CNGA3: variants seen among roughly 807,000 people sequenced by gnomAD.
CNGA3 encodes the protein cyclic nucleotide-gated channel alpha-3.
Under a neutral mutation model 46.6 loss-of-function variants are expected in CNGA3, and 42 were observed. That is an observed-to-expected ratio of 0.90 (90% CI 0.70 to 1.17). The LOEUF is 1.17. Ranked by LOEUF, CNGA3 falls within the 50% of genes most tolerant of loss-of-function variation. The pLI is 0.00. For missense variants in CNGA3, 893 were observed against 890.7 expected, an observed-to-expected ratio of 1.00 and a Z score of -0.03; for synonymous variants, 394 against 369.4, an observed-to-expected ratio of 1.07 and a Z score of -0.76.
At chr2:98,371,525 G>A (rs1171775175) in intron 2 of CNGA3, among the ~76,000 whole-genome samples, 1 of 152,168 alleles carries the variant, frequency 6.6e-6, no homozygotes, top group Admixed American at 6.5e-5. Context: ...GCAATGGAAG[G>A]AAGATCCCAG....
intron 5 of CNGA3, among the ~76,000 whole-genome samples, chr2:98,389,243 T>C (rs1395661060): frequency 6.6e-6 from 1 of 152,178 alleles, no homozygotes; most frequent in Non-Finnish European, 1.5e-5. Flanking sequence ...CTTAAATGCA[T>C]ATTTCCAGGC....
chr2:98,382,187 C>A (rs1692554176), intron 4 of CNGA3, among the ~76,000 whole-genome samples: 1 of 152,170 alleles, frequency 6.6e-6, no homozygotes, highest in Non-Finnish European at 1.5e-5. Flanking sequence ...ATCAGCAAGT[C>A]TTCCTGGGGG....
intron 1 of CNGA3, among the ~76,000 whole-genome samples, chr2:98,349,556 T>G (rs1464268319): frequency 6.6e-6 from 1 of 152,142 alleles, no homozygotes; most frequent in Non-Finnish European, 1.5e-5. Context: ...AGAGAATGGA[T>G]GGATTGTAGG....
At chr2:98,373,107 C>G (rs140932692) in intron 2 of CNGA3, among the ~76,000 whole-genome samples, 3 of 152,146 alleles carry the variant, frequency 2.0e-5, no homozygotes, top group Non-Finnish European at 4.4e-5. Flanking sequence ...ACAGTGTGTA[C>G]TCAGGATGGG....
At position 98,392,185 on chromosome 2, in the gene CNGA3, T is replaced by C. The variant is rs142793256; in HGVS notation, c.673+215T>C. The stretch of plus-strand genomic sequence containing the variant: ...AGCAGGGGCCAGGACACCTAAGCTC[T>C]GGGCTCTGCTCTTCCAACAAGCTGT... On this transcript the variant is annotated intron_variant, in intron 7 of 7. Transcript: ENST00000272602. Among the ~76,000 whole-genome samples the C allele has an allele frequency of 9.8e-5, 15 of 152,334 alleles. No individual in the cohort carries two copies. In the East Asian group the frequency reaches 2.1e-3, roughly 22 times the overall value.
intron 5 of CNGA3, among the ~76,000 whole-genome samples, chr2:98,388,162 G>C (rs928375041): frequency 1.3e-5 from 2 of 151,936 alleles, no homozygotes; most frequent in Non-Finnish European, 2.9e-5. Context: ...ACGTCTCCAC[G>C]ACGCCACACG....
chr2:98,374,255 G>A (rs778335944), intron 2 of CNGA3, among the ~76,000 whole-genome samples: 6 of 152,318 alleles, frequency 3.9e-5, no homozygotes, highest in South Asian at 2.1e-4. Context: ...GCAAATAAAC[G>A]TAGAACTTGA....
At chr2:98,378,391 G>A (rs543723757) in intron 3 of CNGA3, among the ~76,000 whole-genome samples, 11 of 152,290 alleles carry the variant, frequency 7.2e-5, no homozygotes, top group Non-Finnish European at 1.3e-4. Context: ...TACCCCACAG[G>A]TGGCTTGAAA....
intron 2 of CNGA3, among the ~76,000 whole-genome samples, chr2:98,373,634 C>A (rs930235763): frequency 9.2e-5 from 14 of 152,104 alleles, no homozygotes; most frequent in African/African-American, 3.4e-4. Flanking sequence ...ACATTTTACA[C>A]CCTGAAAATA....
intron 3 of CNGA3, chr2:98,378,289 T>C (rs1692459428): frequency 1.4e-6 from 2 of 1,435,280 alleles, no homozygotes; most frequent in Admixed American, 4.7e-5. Context: ...TTCCCCCTGA[T>C]GACATCCGTA....
chr2:98,379,174 T>C (rs936699937), intron 3 of CNGA3, among the ~76,000 whole-genome samples: 4 of 152,236 alleles, frequency 2.6e-5, no homozygotes, highest in African/African-American at 9.6e-5. Flanking sequence ...TCCAAATATG[T>C]CTGCGGCAGC....
intron 5 of CNGA3, among the ~76,000 whole-genome samples, chr2:98,386,113 G>A (rs1355628550): frequency 6.6e-6 from 1 of 152,170 alleles, no homozygotes; most frequent in African/African-American, 2.4e-5. Context: ...AAAGTGCTCA[G>A]AACAGTGCCT....
intron 5 of CNGA3, among the ~76,000 whole-genome samples, chr2:98,383,889 T>C (rs1184644405): frequency 6.6e-6 from 1 of 151,944 alleles, no homozygotes; most frequent in Admixed American, 6.6e-5. Context: ...TTATTGTTGT[T>C]TGTTTGTTTG....
At position 98,395,843 on chromosome 2, in the gene CNGA3, G is replaced by A. The variant is rs949254623; in HGVS notation, c.674-1G>A. The A allele has an allele frequency of 6.2e-7, 1 of 1,614,084 alleles. No individual in the cohort carries two copies. The highest frequency in any genetic ancestry group is 8.5e-7 in the Non-Finnish European group (1 of 1,180,006). On this transcript the variant is annotated splice_acceptor_variant, in intron 7 of 7. Transcript: ENST00000272602. LOFTEE classifies it high-confidence loss of function. ...CCAATGACCTCCATCTTCTTCTTTA[G>A]GTTTTCTCGAGCAAGGCTTAATGGT...
Position 98,395,948 on chromosome 2 carries a change from G to C in CNGA3, c.778G>C (p.Asp260His), listed in dbSNP as rs374258471. Reference protein sequence around the residue: ...KLDVLSLVPTDLAYLKVGTNY... With the variant: ...KLDVLSLVPTHLAYLKVGTNY... ...GGATGTGTTGTCCCTGGTCCCCACC[G>C]ACCTGGCTTACTTAAAGGTGGGCAC... Residue 260 changes from aspartate (D) to histidine (H), a missense_variant, in exon 8 of 8, where the codon GAC becomes CAC. By Grantham distance (81) the Asp-to-His change is moderately conservative (BLOSUM62 -1). This residue lies in a region of CNGA3 where 548 missense variants were observed against 570.8 expected (regional missense o/e 0.96). Transcript: ENST00000272602. 2 of 1,614,106 alleles carry C rather than the reference G, an allele frequency of 1.2e-6. No homozygotes were observed. The highest frequency in any genetic ancestry group is 2.2e-5 in the East Asian group (1 of 44,878).
intron 1 of CNGA3, among the ~76,000 whole-genome samples, chr2:98,363,429 T>C (rs769143177): frequency 3.3e-5 from 5 of 152,226 alleles, no homozygotes; most frequent in Non-Finnish European, 7.3e-5. Context: ...TGGAAATTCA[T>C]TCATGATTTA....
At position 98,396,078 on chromosome 2, in the gene CNGA3, T is replaced by C. The variant is rs141718590; in HGVS notation, c.908T>C (p.Ile303Thr). Residue 303 changes from isoleucine to threonine, a missense_variant, in exon 8 of 8, where the codon ATT (isoleucine) becomes ACT (threonine). Coordinates refer to ENST00000272602, the MANE Select transcript of CNGA3 (RefSeq NM_001298.3). Reference sequence around the variant, plus strand: ...ACCAACTACCCCAATATGTTCAGGATTGGGAACTTGGTCTTGTACATTCTC... The same window carrying C: ...ACCAACTACCCCAATATGTTCAGGACTGGGAACTTGGTCTTGTACATTCTC... Reference protein sequence around the residue: ...TRTNYPNMFRIGNLVLYILII... With the variant: ...TRTNYPNMFRTGNLVLYILII... 23 of 1,614,220 alleles carry C rather than the reference T, an allele frequency of 1.4e-5. No individual in the cohort carries two copies. In the African/African-American group the frequency reaches 2.3e-4, roughly 16 times the overall value.
intron 2 of CNGA3, among the ~76,000 whole-genome samples, chr2:98,376,012 G>T (rs1047244284): frequency 5.9e-5 from 9 of 152,172 alleles, no homozygotes; most frequent in Non-Finnish European, 1.2e-4. Context: ...TTTTGTTTGT[G>T]AGTAGGATGG....
At chr2:98,352,912 C>T (rs1341475564) in intron 1 of CNGA3, among the ~76,000 whole-genome samples, 6 of 152,140 alleles carry the variant, frequency 3.9e-5, no homozygotes, top group African/African-American at 1.4e-4. Flanking sequence ...ACAGTTGACC[C>T]TTGAGCAATG....
Sources: gnomAD v4.1 joint callset for allele counts (sites outside exome capture counted in the v4.1 genomes callset) on GRCh38, gnomAD v4.1.1 for gene constraint, gnomAD v4.1.1 regional missense constraint, MANE v1.5 for transcripts, NCBI Gene and HGNC (gene_info 2026-07-23, HGNC 2026-07-21) for gene names.